TMEM45A: variants seen among roughly 807,000 people sequenced by gnomAD.
TMEM45A encodes DNA polymerase-transactivated protein 4.
A neutral mutation model predicts 32.0 loss-of-function variants in TMEM45A; 25 were observed. That is an observed-to-expected ratio of 0.78 (90% CI 0.57 to 1.09). The LOEUF (loss-of-function observed/expected upper bound fraction) is 1.09. Ranked by LOEUF, TMEM45A falls within the 50% of genes least tolerant of loss-of-function variation. TMEM45A has a pLI of 0.00. For missense variants in TMEM45A, 302 were observed against 325.0 expected, an observed-to-expected ratio of 0.93 and a Z score of 0.54; for synonymous variants, 122 against 114.8, an observed-to-expected ratio of 1.06 and a Z score of -0.40.
intron 1 of TMEM45A, among the ~76,000 whole-genome samples, chr3:100,496,403 A>G (rs569214952): frequency 6.6e-6 from 1 of 152,188 alleles, no homozygotes; most frequent in Admixed American, 6.5e-5. Flanking sequence ...AAGGCAGTTT[A>G]AGAAATTTGC....
chr3:100,534,183 G>A lies in TMEM45A; in HGVS notation c.-3-21026G>A, dbSNP rs189941015. On this transcript the variant is annotated intron_variant, in intron 1 of 5. Coordinates refer to ENST00000323523, the MANE Select transcript of TMEM45A (RefSeq NM_018004.3). Reference sequence around the variant, plus strand: ...GTTTTCATGCTTGTTAGAGATCCTCGGTCTGACTGTCATTCCTAAGAGGGT... The same window carrying A: ...GTTTTCATGCTTGTTAGAGATCCTCAGTCTGACTGTCATTCCTAAGAGGGT... Among the ~76,000 whole-genome samples, 372 of 152,186 alleles carry A rather than the reference G, an allele frequency of 2.4e-3. 2 individuals carry two copies. Among genetic ancestry groups the A allele is most frequent in the South Asian group, 5.8e-3 (28 of 4,816 alleles).
intron 1 of TMEM45A, among the ~76,000 whole-genome samples, chr3:100,497,238 A>G (rs914627001): frequency 1.3e-5 from 2 of 152,204 alleles, no homozygotes; most frequent in African/African-American, 2.4e-5. Context: ...ATTCTTACCA[A>G]TGTGGCCTTG....
At chr3:100,568,574 A>G (rs1420380361) in intron 4 of TMEM45A, among the ~76,000 whole-genome samples, 3 of 152,246 alleles carry the variant, frequency 2.0e-5, no homozygotes, top group Non-Finnish European at 4.4e-5. Flanking sequence ...AGACATTCCT[A>G]GCAAGATGAC....
intron 1 of TMEM45A, among the ~76,000 whole-genome samples, chr3:100,528,281 C>G (rs1187713477): frequency 6.6e-6 from 1 of 152,156 alleles, no homozygotes; most frequent in Non-Finnish European, 1.5e-5. Flanking sequence ...GTCTGTAAGG[C>G]TCTATATTTG....
At chr3:100,575,981 C>T (rs1706676660) in intron 5 of TMEM45A, among the ~76,000 whole-genome samples, 1 of 152,172 alleles carries the variant, frequency 6.6e-6, no homozygotes, top group South Asian at 2.1e-4. Flanking sequence ...TTCATCTGGG[C>T]TTGCCACAGC....
intron 1 of TMEM45A, among the ~76,000 whole-genome samples, chr3:100,551,010 C>CTTTT (rs747148114): frequency 1.9e-4 from 23 of 119,618 alleles, no homozygotes; most frequent in Admixed American, 3.3e-4. Context: ...GGGTGAACTG[C>CTTTT]TTTTTTTTTT....
intron 1 of TMEM45A, among the ~76,000 whole-genome samples, chr3:100,511,184 A>G (rs997984908): frequency 2.5e-4 from 38 of 152,064 alleles, no homozygotes; most frequent in African/African-American, 8.4e-4. Flanking sequence ...GATTCACCAA[A>G]GTTGAAATGA....
intron 1 of TMEM45A, among the ~76,000 whole-genome samples, chr3:100,514,715 G>A (rs112689595): frequency 1.4e-4 from 21 of 152,008 alleles, no homozygotes; most frequent in African/African-American, 2.7e-4. Context: ...GAAAATGTTC[G>A]CAACCTACTC....
chr3:100,571,744 C>T (rs891295476), intron 5 of TMEM45A: 3 of 150,520 alleles, frequency 2.0e-5, no homozygotes, highest in Non-Finnish European at 2.9e-5. Flanking sequence ...TGCTATCCCT[C>T]CCCCCTATCG....
intron 1 of TMEM45A, among the ~76,000 whole-genome samples, chr3:100,535,214 G>A (rs1331971029): frequency 6.6e-6 from 1 of 151,728 alleles, no homozygotes; most frequent in East Asian, 1.9e-4. Flanking sequence ...TCCGCTTCCC[G>A]GGTTCAAAGG....
intron 1 of TMEM45A, among the ~76,000 whole-genome samples, chr3:100,498,722 T>G (rs1423964334): frequency 6.6e-6 from 1 of 152,204 alleles, no homozygotes; most frequent in African/African-American, 2.4e-5. Flanking sequence ...TGCTTTCAAT[T>G]ATTTTGGGTG....
At chr3:100,564,947 C>T (rs1362446320) in intron 4 of TMEM45A, among the ~76,000 whole-genome samples, 2 of 152,224 alleles carry the variant, frequency 1.3e-5, no homozygotes, top group Non-Finnish European at 2.9e-5. Context: ...CATATCAGAA[C>T]TGCTGAGATG....
intron 5 of TMEM45A, among the ~76,000 whole-genome samples, chr3:100,570,419 G>C (rs1284647009): frequency 6.6e-6 from 1 of 152,202 alleles, no homozygotes; most frequent in East Asian, 1.9e-4. Context: ...AGCTATCTCT[G>C]TTCAGCTGCA....
chr3:100,561,089 T>C (rs928270036), intron 4 of TMEM45A, among the ~76,000 whole-genome samples: 1 of 152,176 alleles, frequency 6.6e-6, no homozygotes, highest in Non-Finnish European at 1.5e-5. Flanking sequence ...AAAATGAACA[T>C]TTAATACCAG....
intron 1 of TMEM45A, among the ~76,000 whole-genome samples, chr3:100,497,924 T>A (rs934690961): frequency 2.6e-5 from 4 of 152,198 alleles, no homozygotes; most frequent in Non-Finnish European, 5.9e-5. Context: ...TTGAAGATAT[T>A]TTTTAGTTGA....
At chr3:100,498,088 T>A (rs2148923749) in intron 1 of TMEM45A, among the ~76,000 whole-genome samples, 1 of 152,318 alleles carries the variant, frequency 6.6e-6, no homozygotes, top group East Asian at 1.9e-4. Context: ...TGAGTTCTCA[T>A]GAGACCTGAT....
intron 1 of TMEM45A, among the ~76,000 whole-genome samples, chr3:100,535,026 A>G (rs1470159652): frequency 6.6e-6 from 1 of 151,940 alleles, no homozygotes; most frequent in East Asian, 1.9e-4. Flanking sequence ...GCTCTCTATC[A>G]TGTTGTCCTG....
chr3:100,498,375 T>C (rs1707962126), intron 1 of TMEM45A, among the ~76,000 whole-genome samples: 1 of 152,218 alleles, frequency 6.6e-6, no homozygotes. Flanking sequence ...AGGCTTCATC[T>C]AATCAATTGA....
At chr3:100,496,302 C>T (rs893006201) in intron 1 of TMEM45A, among the ~76,000 whole-genome samples, 6 of 152,318 alleles carry the variant, frequency 3.9e-5, no homozygotes, top group African/African-American at 7.2e-5. Context: ...ACATGGAGAA[C>T]GTTCTGATGA....
Sources: gnomAD v4.1 joint callset for allele counts (sites outside exome capture counted in the v4.1 genomes callset) on GRCh38, gnomAD v4.1.1 for gene constraint, MANE v1.5 for transcripts, NCBI Gene and HGNC (gene_info 2026-07-23, HGNC 2026-07-21) for gene names.